Variants in MREG observed in about 807,000 individuals in gnomAD.
MREG encodes the protein dilute suppressor protein homolog.
MREG carries 31 observed loss-of-function variants against 28.5 expected under a neutral mutation model. The observed-to-expected ratio is 1.09, with a 90% confidence interval of 0.82 to 1.47. The LOEUF is 1.47. Ranked by LOEUF, MREG falls within the 40% of genes most tolerant of loss-of-function variation. MREG has a pLI of 0.00. For missense variants in MREG, 256 were observed against 257.4 expected (o/e 0.99, Z 0.04); for synonymous variants, 106 against 95.2 (o/e 1.11, Z -0.66).
At chr2:215,950,773 T>C (rs1450409607) in intron 2 of MREG, among the ~76,000 whole-genome samples, 4 of 152,178 alleles carry the variant, frequency 2.6e-5, no homozygotes, top group Admixed American at 6.5e-5. Flanking sequence ...CTCTTAAACA[T>C]GTGACTCCAA....
intron 2 of MREG, among the ~76,000 whole-genome samples, chr2:215,964,795 A>G (rs771541252): frequency 1.6e-4 from 24 of 152,296 alleles, no homozygotes; most frequent in Non-Finnish European, 3.1e-4. Flanking sequence ...AATGGGCAAA[A>G]TCTTTAACCC....
chr2:215,941,405 C>A (rs1398611152), downstream of MREG, among the ~76,000 whole-genome samples: 1 of 152,126 alleles, frequency 6.6e-6, no homozygotes, highest in Non-Finnish European at 1.5e-5. Flanking sequence ...TTACCTGAAT[C>A]CCATATGCCC....
chr2:215,994,486 A>G (rs1214080272), intron 2 of MREG, among the ~76,000 whole-genome samples: 1 of 151,680 alleles, frequency 6.6e-6, no homozygotes, highest in Non-Finnish European at 1.5e-5. Flanking sequence ...GGGTGAGCAA[A>G]CCACCATGGC....
chr2:216,011,095 CAAAA>C (rs35487752), intron 1 of MREG, among the ~76,000 whole-genome samples: 1 of 106,744 alleles, frequency 9.4e-6, no homozygotes. Flanking sequence ...GACTCCGTCT[CAAAA>C]AAAAAAAAAA....
At chr2:215,964,703 C>T (rs921924412) in intron 2 of MREG, among the ~76,000 whole-genome samples, 5 of 152,096 alleles carry the variant, frequency 3.3e-5, no homozygotes, top group African/African-American at 9.7e-5. Flanking sequence ...GTGAAAGGGG[C>T]TATTTTGTAT....
intron 1 of MREG, among the ~76,000 whole-genome samples, chr2:216,031,691 G>GAAAGAAAGAGAAAGAAAGAAAGAAAGAA (rs1473248845): frequency 3.1e-4 from 19 of 61,156 alleles, no homozygotes; most frequent in African/African-American, 9.0e-4. Flanking sequence ...AAGAAAGAAA[G>GAAAGAAAGAGAAAGAAAGAAAGAAAGAA]AGAAAGAAAG....
intron 2 of MREG, among the ~76,000 whole-genome samples, chr2:215,965,237 T>C (rs572238777): frequency 6.6e-6 from 1 of 152,372 alleles, no homozygotes; most frequent in African/African-American, 2.4e-5. Flanking sequence ...TTTGTTAAAT[T>C]GAAAATCCTA....
intron 2 of MREG, among the ~76,000 whole-genome samples, chr2:215,962,300 A>G (rs927908124): frequency 6.6e-5 from 10 of 152,186 alleles, no homozygotes; most frequent in Admixed American, 6.5e-5. Context: ...AAGCAATAAG[A>G]TTCGAGCTAG....
chr2:215,943,828 G>C lies in MREG; in HGVS notation c.*1035C>G, dbSNP rs1198180061. On this transcript the variant is annotated 3_prime_UTR_variant, in exon 5 of 5. Coordinates refer to ENST00000263268, the MANE Select transcript of MREG (RefSeq NM_018000.3). ...TGTACTCCAGCCTGGGCGACAGAGC[G>C]AGAGTCCATCAAAAAAAAAAAAAAA... 1.1e-5 allele frequency: 1 copy of C among 88,736 alleles called. No individual in the cohort carries two copies. The highest frequency in any genetic ancestry group is 2.0e-5 in the Non-Finnish European group (1 of 50,818). 5.5% of individuals were successfully genotyped at this position (88,736 alleles called of 1,614,324 possible).
chr2:216,018,749 T>A (rs1351233892), intron 1 of MREG, among the ~76,000 whole-genome samples: 1 of 152,086 alleles, frequency 6.6e-6, no homozygotes, highest in South Asian at 2.1e-4. Context: ...CCTTATAGAG[T>A]CTGTTGTTTC....
Position 215,982,687 on chromosome 2 carries a change from C to T in MREG, c.255+13619G>A, listed in dbSNP as rs374558863. On this transcript the variant is annotated intron_variant, in intron 2 of 4. Coordinates refer to ENST00000263268, the MANE Select transcript of MREG (RefSeq NM_018000.3). ...TCTTTGACCAAAGAGGTTCCACTGA[C>T]GCTCTTTCTAAACTCACTGGAGAGC... Among the ~76,000 whole-genome samples the T allele has an allele frequency of 3.0e-4, 46 of 152,270 alleles. No individual in the cohort carries two copies. The South Asian group carries it at 7.7e-3, about 25-fold the overall frequency.
At chr2:215,979,619 T>C (rs1010530599) in intron 2 of MREG, among the ~76,000 whole-genome samples, 24 of 151,944 alleles carry the variant, frequency 1.6e-4, no homozygotes, top group African/African-American at 5.8e-4. Context: ...AAGAAGTGCA[T>C]TTCTGTTTGG....
intron 2 of MREG, among the ~76,000 whole-genome samples, chr2:215,974,493 A>T (rs3770537): frequency 6.6e-6 from 1 of 151,864 alleles, no homozygotes; most frequent in Non-Finnish European, 1.5e-5. Context: ...CTGCGTCTGT[A>T]TCTGGGACTC....
chr2:216,019,505 A>AC (rs955768457), intron 1 of MREG, among the ~76,000 whole-genome samples: 3 of 144,008 alleles, frequency 2.1e-5, no homozygotes, highest in Non-Finnish European at 3.0e-5. Flanking sequence ...AAATTTTCAA[A>AC]CCTTTTTTTT....
intron 2 of MREG, among the ~76,000 whole-genome samples, chr2:215,982,335 CA>C (rs35108598): frequency 0.016 from 2,206 of 135,680 alleles, 28 homozygotes; most frequent in Non-Finnish European, 0.024. Flanking sequence ...AAAACTCCGT[CA>C]AAAAAAAAAA....
Position 215,991,938 on chromosome 2 carries a change from C to T in MREG, c.255+4368G>A, listed in dbSNP as rs576484045. Among the ~76,000 whole-genome samples, 315 of 152,194 alleles carry T rather than the reference C, an allele frequency of 2.1e-3. 2 individuals carry two copies. The highest frequency in any genetic ancestry group is 3.4e-3 in the Middle Eastern group (1 of 294). On this transcript the variant is annotated intron_variant, in intron 2 of 4. Transcript: ENST00000263268. ...CAACCAAAAAAAGCCCAGGACCAGA[C>T]GGATTCACAGCCAAATTCTACCAGA...
At chr2:216,022,653 C>T (rs1273226043) in intron 1 of MREG, among the ~76,000 whole-genome samples, 1 of 152,178 alleles carries the variant, frequency 6.6e-6, no homozygotes, top group African/African-American at 2.4e-5. Context: ...ATTTGGAATT[C>T]AACCTCTTCC....
intron 1 of MREG, among the ~76,000 whole-genome samples, chr2:216,019,821 G>T (rs1471751361): frequency 1.3e-5 from 2 of 152,022 alleles, no homozygotes; most frequent in Non-Finnish European, 2.9e-5. Context: ...TATTTTTATT[G>T]GGTGCAGTTT....
chr2:215,985,467 T>C (rs1208337225), intron 2 of MREG, among the ~76,000 whole-genome samples: 1 of 152,234 alleles, frequency 6.6e-6, no homozygotes, highest in African/African-American at 2.4e-5. Flanking sequence ...CTGTTTTCCA[T>C]CAGCTCCAGA....
Sources: allele counts gnomAD v4.1 joint callset (sites outside exome capture counted in the v4.1 genomes callset), GRCh38; gene constraint gnomAD v4.1.1; transcripts MANE v1.5; gene names NCBI Gene and HGNC (gene_info 2026-07-23, HGNC 2026-07-21).